The following DPYSL2 variants were observed in gnomAD, a reference collection of about 807,000 sequenced individuals.
DPYSL2 encodes dihydropyrimidinase like 2, also known as dihydropyrimidinase-related protein 2.
Under a neutral mutation model 69.9 loss-of-function variants are expected in DPYSL2, and 13 were observed. The observed-to-expected ratio is 0.19, with a 90% CI of 0.12 to 0.30. DPYSL2 has a LOEUF of 0.30. Ranked by LOEUF, DPYSL2 falls within the 10% of genes least tolerant of loss-of-function variation. DPYSL2 has a pLI of 1.00. For synonymous variants in DPYSL2, 326 were observed against 359.1 expected (o/e 0.91, Z 1.04); for missense variants, 587 against 918.9 (o/e 0.64, Z 4.67).
At chr8:26,547,054 C>A (rs376609523) in intron 1 of DPYSL2, among the ~76,000 whole-genome samples, 1 of 151,286 alleles carries the variant, frequency 6.6e-6, no homozygotes, top group Non-Finnish European at 1.5e-5. Context: ...TGAGACAAGC[C>A]CATACACAGA....
chr8:26,551,908 G>A (rs1437107544), intron 1 of DPYSL2, among the ~76,000 whole-genome samples: 1 of 152,062 alleles, frequency 6.6e-6, no homozygotes, highest in Non-Finnish European at 1.5e-5. Flanking sequence ...TGAACTCCTG[G>A]GCTCAAGCAA....
chr8:26,655,814 C>A lies in DPYSL2; in HGVS notation c.*108C>A. 1 of 1,057,732 alleles carries A rather than the reference C, an allele frequency of 9.5e-7. No individual in the cohort carries two copies. Among genetic ancestry groups the A allele is most frequent in the Non-Finnish European group, 1.3e-6 (1 of 773,086 alleles). The allele number at this position is 1,057,732 out of a possible 1,614,324, so 65.5% of individuals were successfully genotyped here. ...TTTTTTTTGTTTTTTTTTTTAAGAG[C>A]CTGTGATAGTTACTGTGGAGCAGCC... On this transcript the variant is annotated 3_prime_UTR_variant, in exon 14 of 14. Coordinates refer to ENST00000521913, the MANE Select transcript of DPYSL2 (RefSeq NM_001197293.3).
chr8:26,525,274 C>T lies in DPYSL2; in HGVS notation c.354+10595C>T, dbSNP rs186575600. 2.0e-4 allele frequency among the ~76,000 whole-genome samples: 30 copies of T among 152,254 alleles called. No homozygotes were observed. The East Asian group carries it at 4.4e-3, about 23-fold the overall frequency. ...TTACTCTGTCACCCAGGCTGGAGTG[C>T]GGTGGCATCATCATAAGTTCACTGC... On this transcript the variant is annotated intron_variant, in intron 1 of 13. Transcript: ENST00000521913.
At chr8:26,546,716 G>C (rs969950032) in intron 1 of DPYSL2, among the ~76,000 whole-genome samples, 1 of 150,086 alleles carries the variant, frequency 6.7e-6, no homozygotes, top group Non-Finnish European at 1.5e-5. Context: ...TCAGTAAATC[G>C]AGACCATCCT....
intron 7 of DPYSL2, among the ~76,000 whole-genome samples, chr8:26,629,876 C>T (rs759168712): frequency 2.2e-4 from 34 of 152,186 alleles, no homozygotes; most frequent in Non-Finnish European, 4.9e-4. Context: ...GGATTACAGG[C>T]GTGAGCCACC....
At position 26,653,494 on chromosome 8, in the gene DPYSL2, G is replaced by A. The variant is rs1803321097; in HGVS notation, c.1942+97G>A. ...ATTTGGAAAGGACACAGAAATAGAA[G>A]TGAATGATATTCCCTTTCTCTCCAA... is the stretch of plus-strand genomic sequence containing the variant. On this transcript the variant is annotated intron_variant, in intron 13 of 13. Transcript: ENST00000521913. The surrounding 1 kb of genome is among the most constrained non-coding windows in gnomAD (Gnocchi z 5.7). The A allele has an allele frequency of 1.1e-5, 14 of 1,261,876 alleles. 1 individual carries two copies. The South Asian group carries it at 1.9e-4, about 17-fold the overall frequency. The allele number at this position is 1,261,876 out of a possible 1,614,324, so 78.2% of individuals were successfully genotyped here. A position where few individuals can be genotyped will look rare whatever the true frequency, so the allele number is the denominator to read the frequency against.
In DPYSL2 at chr8:26,573,895, A is replaced by ATT. The variant is rs11340126; in HGVS notation, c.355-8060_355-8059dup. Among the ~76,000 whole-genome samples the ATT allele has an allele frequency of 4.5e-3, 626 of 139,392 alleles. 6 individuals carry two copies. The highest frequency in any genetic ancestry group is 0.037 in the Middle Eastern group (10 of 268). 91.4% of individuals were successfully genotyped at this position (139,392 alleles called of 152,430 possible). ...AGGGAAAGGCTTGCTTGCATTGGGG[A>ATT]TTTTTTTTTTTTTTTGACATTAAAA... On this transcript the variant is annotated intron_variant, in intron 1 of 13. Coordinates refer to ENST00000521913, the MANE Select transcript of DPYSL2 (RefSeq NM_001197293.3).
chr8:26,609,479 C>A lies in DPYSL2; in HGVS notation c.629-14664C>A, dbSNP rs1287509136. On this transcript the variant is annotated intron_variant, in intron 3 of 13. Coordinates refer to ENST00000521913, the MANE Select transcript of DPYSL2 (RefSeq NM_001197293.3). The surrounding 1 kb of genome is among the most constrained non-coding windows in gnomAD (Gnocchi z 6.5). ...AACGAAGTCAAACCCAGTCTTTGCA[C>A]GTGGAAGCTTGTGGCGTGACTGTTA... 6.6e-6 allele frequency among the ~76,000 whole-genome samples: 1 copy of A among 152,174 alleles called. No individual in the cohort carries two copies. The highest frequency in any genetic ancestry group is 1.9e-4 in the East Asian group (1 of 5,204).
At chr8:26,556,135 C>G (rs374468912) in intron 1 of DPYSL2, among the ~76,000 whole-genome samples, 2,427 of 11,734 alleles carry the variant, frequency 0.21, 494 homozygotes, top group Middle Eastern at 0.38. Flanking sequence ...ATTATATATA[C>G]TATATATAGT....
chr8:26,544,591 A>G (rs1210819002), intron 1 of DPYSL2, among the ~76,000 whole-genome samples: 3 of 152,210 alleles, frequency 2.0e-5, no homozygotes, highest in East Asian at 1.9e-4. Flanking sequence ...AGTATCATCT[A>G]TATTGTTCTG....
At chr8:26,534,091 G>T (rs1011791667) in intron 1 of DPYSL2, among the ~76,000 whole-genome samples, 1 of 152,162 alleles carries the variant, frequency 6.6e-6, no homozygotes, top group Non-Finnish European at 1.5e-5. Flanking sequence ...CAACAAGACT[G>T]GTTATTGGAA....
chr8:26,630,393 TC>T (rs1563417948), intron 7 of DPYSL2, among the ~76,000 whole-genome samples: 8 of 152,032 alleles, frequency 5.3e-5, no homozygotes, highest in Non-Finnish European at 7.4e-5. Context: ...AGGGCTTTGT[TC>T]CCAGGGCTTT....
At position 26,657,901 on chromosome 8, in the gene DPYSL2, T is replaced by C. The variant is rs2130015267; in HGVS notation, c.*2195T>C. ...AAATAAATCGACAGTGTCTCAGAACTGAATAACTGCAGTGACTTGATGCTC... is the reference window on the plus strand; with the variant it reads ...AAATAAATCGACAGTGTCTCAGAACCGAATAACTGCAGTGACTTGATGCTC... On this transcript the variant is annotated 3_prime_UTR_variant, in exon 14 of 14. Transcript: ENST00000521913. 1.3e-5 allele frequency: 2 copies of C among 152,796 alleles called. 1 individual carries two copies. 9.5% of individuals were successfully genotyped at this position (152,796 alleles called of 1,614,324 possible). A position where few individuals can be genotyped will look rare whatever the true frequency, so the allele number is the denominator to read the frequency against.
chr8:26,531,829 A>G (rs771410308), intron 1 of DPYSL2, among the ~76,000 whole-genome samples: 1 of 151,870 alleles, frequency 6.6e-6, no homozygotes, highest in East Asian at 1.9e-4. Context: ...CTGAAAGGAC[A>G]CCACTGGTTG....
At chr8:26,524,350 G>T (rs573887560) in intron 1 of DPYSL2, among the ~76,000 whole-genome samples, 60 of 152,110 alleles carry the variant, frequency 3.9e-4, no homozygotes, top group Non-Finnish European at 7.5e-4. Context: ...CTTTTTTAAA[G>T]AAATAATAAC....
Position 26,580,361 on chromosome 8 carries a change from G to A in DPYSL2, c.355-1608G>A, listed in dbSNP as rs185969629. 2.9e-4 allele frequency among the ~76,000 whole-genome samples: 44 copies of A among 152,258 alleles called. 1 individual carries two copies. The South Asian group carries it at 7.2e-3, about 25-fold the overall frequency. ...TTATGTGTCATGGGAATAGAACCTG[G>A]CCTCATCTACCTCACAGATTTCTTT... On this transcript the variant is annotated intron_variant, in intron 1 of 13. Transcript: ENST00000521913. The surrounding 1 kb of genome is among the most constrained non-coding windows in gnomAD (Gnocchi z 4.1).
intron 1 of DPYSL2, chr8:26,578,252 G>C (rs1801405836): frequency 8.7e-6 from 14 of 1,614,058 alleles, no homozygotes; most frequent in Non-Finnish European, 1.2e-5. Flanking sequence ...TCCCAGGAGA[G>C]AGATGTCTTA....
At chr8:26,572,242 T>C (rs1801248521) in intron 1 of DPYSL2, among the ~76,000 whole-genome samples, 1 of 152,172 alleles carries the variant, frequency 6.6e-6, no homozygotes. Flanking sequence ...AAGGGGAACA[T>C]GAAACCAAGA....
At chr8:26,574,799 A>T (rs150462246) in intron 1 of DPYSL2, among the ~76,000 whole-genome samples, 1 of 152,218 alleles carries the variant, frequency 6.6e-6, no homozygotes. Flanking sequence ...GCTGGAGTGC[A>T]GTGGCACGAT....
Sources: gnomAD v4.1 joint callset for allele counts (sites outside exome capture counted in the v4.1 genomes callset) on GRCh38, gnomAD v4.1.1 for gene constraint, Gnocchi (gnomAD v3.1) non-coding constraint, MANE v1.5 for transcripts, NCBI Gene and HGNC (gene_info 2026-07-23, HGNC 2026-07-21) for gene names.